The following PTPRA variants were observed in gnomAD, a reference collection of about 807,000 sequenced individuals.
The protein encoded by PTPRA is protein tyrosine phosphatase receptor type A, also known as receptor-type tyrosine-protein phosphatase alpha.
Under a neutral mutation model 104.8 loss-of-function variants are expected in PTPRA, and 25 were observed. The ratio of observed to expected loss-of-function variants is 0.24; its 90% CI spans 0.17 to 0.33. The LOEUF (loss-of-function observed/expected upper bound fraction) is 0.33. Ranked by LOEUF, PTPRA falls within the 10% of genes least tolerant of loss-of-function variation. The probability of loss-of-function intolerance (pLI) is 1.00; values close to 1 mark genes in which losing one functional copy is unlikely to be tolerated. For synonymous variants in PTPRA, 323 were observed against 368.9 expected (o/e 0.88, Z 1.43); for missense variants, 765 against 1,015.3 (o/e 0.75, Z 3.35).
chr20:2,901,695 T>G (rs2059244217), intron 1 of PTPRA, among the ~76,000 whole-genome samples: 1 of 152,156 alleles, frequency 6.6e-6, no homozygotes, highest in African/African-American at 2.4e-5. Flanking sequence ...TGGAAAAATC[T>G]TCCGTTTTGA....
At chr20:2,916,059 A>C (rs2067189697) in intron 1 of PTPRA, among the ~76,000 whole-genome samples, 2 of 152,088 alleles carry the variant, frequency 1.3e-5, no homozygotes, top group Non-Finnish European at 2.9e-5. Context: ...TTGTTTTTTG[A>C]GACAGGGTCT....
At chr20:2,923,093 T>C (rs922954588) in intron 1 of PTPRA, 114 bp from the exon 2 acceptor site, 1 of 354,682 alleles carries the variant, frequency 2.8e-6, no homozygotes, top group Non-Finnish European at 4.8e-6. Context: ...GCCTGGCTAC[T>C]TTTTGTGGAG....
In PTPRA at chr20:3,027,835, A is replaced by G. The variant is rs1205179145; in HGVS notation, c.1914A>G (p.Arg638=). 6.2e-7 allele frequency: 1 copy of G among 1,613,966 alleles called. No homozygotes were observed. The highest frequency in any genetic ancestry group is 8.5e-7 in the Non-Finnish European group (1 of 1,179,988). Residue 638 remains arginine (R), a synonymous_variant, in exon 20 of 24, where the codon AGA becomes AGG. Coordinates refer to ENST00000399903, the MANE Select transcript of PTPRA (RefSeq NM_001385305.1). The part of the protein sequence containing the change: ...SIVMLTELEE[R]GQEKCAQYWP... Reference sequence around the variant, plus strand: ...TGATGCTAACAGAACTGGAGGAGAGAGGCCAGGTGAGTTCAAAAGGTCCTG... The same window carrying G: ...TGATGCTAACAGAACTGGAGGAGAGGGGCCAGGTGAGTTCAAAAGGTCCTG...
intron 9 of PTPRA, among the ~76,000 whole-genome samples, chr20:3,001,315 T>C (rs984886989): frequency 6.6e-6 from 1 of 152,220 alleles, no homozygotes; most frequent in African/African-American, 2.4e-5. Flanking sequence ...ATGGCTCCTG[T>C]TTCTTCCTGA....
At chr20:2,948,513 T>G (rs965336414) in intron 3 of PTPRA, among the ~76,000 whole-genome samples, 2 of 152,226 alleles carry the variant, frequency 1.3e-5, no homozygotes, top group African/African-American at 4.8e-5. Flanking sequence ...TTCTGTATGT[T>G]TGCCATACCA....
rs1417016079 is a variant in PTPRA at position 2,895,377 on chromosome 20, C to CTGTAATA, written c.-129+21617_-129+21618insTGTAATA. 3.8e-3 allele frequency among the ~76,000 whole-genome samples: 581 copies of CTGTAATA among 152,212 alleles called. 7 individuals carry two copies. Among genetic ancestry groups the CTGTAATA allele is most frequent in the African/African-American group, 0.013 (534 of 41,516 alleles). On this transcript the variant is annotated intron_variant, in intron 1 of 23. Transcript: ENST00000399903. ...GGGATTACAGGTGTGAGCCACCACA[C>CTGTAATA]CCAGCCTACTACATATTCTTTTAGA... is the stretch of plus-strand genomic sequence containing the variant.
At chr20:2,999,301 T>G (rs1173175387) in intron 9 of PTPRA, among the ~76,000 whole-genome samples, 3 of 152,178 alleles carry the variant, frequency 2.0e-5, no homozygotes, top group African/African-American at 7.2e-5. Flanking sequence ...ATATATAGAT[T>G]CAATGCAATT....
rs936010798 is a variant in PTPRA, at chr20:2,981,070, G to T, written c.443-5695G>T. ...TTTTTTCTGTCTGCAGGCCCCAGGA[G>T]ACCTTCTGTGGACCCAATATACTTA... On this transcript the variant is annotated intron_variant, in intron 6 of 23. Coordinates refer to ENST00000399903, the MANE Select transcript of PTPRA (RefSeq NM_001385305.1). Among the ~76,000 whole-genome samples the T allele has an allele frequency of 4.6e-5, 7 of 152,162 alleles. 1 individual carries two copies. Among genetic ancestry groups the T allele is most frequent in the Admixed American group, 1.3e-4 (2 of 15,282 alleles).
At chr20:2,919,368 G>A (rs760771840) in intron 1 of PTPRA, among the ~76,000 whole-genome samples, 8 of 152,152 alleles carry the variant, frequency 5.3e-5, no homozygotes, top group Non-Finnish European at 1.2e-4. Flanking sequence ...AGAAACGGAT[G>A]CCTTAGAATA....
At chr20:2,971,402 G>C (rs935533218) in intron 5 of PTPRA, among the ~76,000 whole-genome samples, 4 of 152,066 alleles carry the variant, frequency 2.6e-5, no homozygotes, top group African/African-American at 7.2e-5. Context: ...GGATATGAAG[G>C]CTACTGATTT....
At chr20:2,868,487 T>C (rs572336750), upstream of PTPRA, among the ~76,000 whole-genome samples, 6 of 151,088 alleles carry the variant, frequency 4.0e-5, no homozygotes, top group Non-Finnish European at 5.9e-5. Flanking sequence ...TGATAGGGAG[T>C]AGCAAAGTTC....
chr20:2,882,798 T>C (rs1216228467), intron 1 of PTPRA, among the ~76,000 whole-genome samples: 1 of 152,194 alleles, frequency 6.6e-6, no homozygotes, highest in Non-Finnish European at 1.5e-5. Flanking sequence ...TGAAATTCAT[T>C]CATTACTTCT....
intron 9 of PTPRA, among the ~76,000 whole-genome samples, chr20:3,002,579 G>A (rs894428102): frequency 6.6e-5 from 10 of 151,932 alleles, no homozygotes; most frequent in Admixed American, 2.6e-4. Context: ...CACCCGCCTC[G>A]GCCTCCCAAA....
Position 3,022,684 on chromosome 20 carries a change from T to C in PTPRA, c.1329-5T>C, listed in dbSNP as rs745787962. ...TCCCTATAACCCCCTGCTCTCTGGC[T>C]ACAGTGCAGGTGTAGGGCGTACAGG... On this transcript the variant is annotated splice_region_variant and splice_polypyrimidine_tract_variant and intron_variant, in intron 15 of 23. Coordinates refer to ENST00000399903, the MANE Select transcript of PTPRA (RefSeq NM_001385305.1). This position sits in a 1 kb window ranked among gnomAD's most constrained non-coding sequence, Gnocchi z 4.6. The C allele has an allele frequency of 8.7e-6, 14 of 1,614,150 alleles. No homozygotes were observed. The South Asian group carries it at 1.5e-4, about 18-fold the overall frequency.
intron 2 of PTPRA, among the ~76,000 whole-genome samples, chr20:2,929,363 T>C (rs766939152): frequency 1.3e-5 from 2 of 152,234 alleles, no homozygotes; most frequent in Non-Finnish European, 2.9e-5. Flanking sequence ...TTTTGTTCTT[T>C]GTATTTCTTC....
In PTPRA at chr20:2,889,416, C is replaced by T. The variant is rs116583422; in HGVS notation, c.-129+15656C>T. 4.8e-3 allele frequency among the ~76,000 whole-genome samples: 727 copies of T among 152,278 alleles called. 4 individuals carry two copies. Among genetic ancestry groups the T allele is most frequent in the African/African-American group, 0.016 (674 of 41,556 alleles). The stretch of plus-strand genomic sequence containing the variant: ...GACAGGTCAGAGTTACCACCTTAAA[C>T]AGAAACTTCTTAAGCTCTTGGGCAA... On this transcript the variant is annotated intron_variant, in intron 1 of 23. Transcript: ENST00000399903.
At chr20:2,986,335 G>T (rs2062910307) in intron 6 of PTPRA, among the ~76,000 whole-genome samples, 1 of 152,206 alleles carries the variant, frequency 6.6e-6, no homozygotes, top group Non-Finnish European at 1.5e-5. Flanking sequence ...GGCTGAGAGA[G>T]TGTACAGTGT....
chr20:2,948,962 A>AG lies in PTPRA; in HGVS notation c.-7+939dup, dbSNP rs1183296105. On this transcript the variant is annotated intron_variant, in intron 3 of 23. Transcript: ENST00000399903. ...GCGAGACTCCGTCTCAAAAAAAAAA[A>AG]GTAAATAAAAATAAAAAACCATATC... Among the ~76,000 whole-genome samples the AG allele has an allele frequency of 2.0e-5, 3 of 152,102 alleles. No homozygotes were observed. The East Asian group carries it at 5.8e-4, about 29-fold the overall frequency.
intron 1 of PTPRA, among the ~76,000 whole-genome samples, chr20:2,918,399 C>T (rs1258550721): frequency 6.6e-6 from 1 of 152,150 alleles, no homozygotes; most frequent in Non-Finnish European, 1.5e-5. Context: ...CTGTCTGCTT[C>T]CTGAGGAAGC....
Sources: allele counts gnomAD v4.1 joint callset (sites outside exome capture counted in the v4.1 genomes callset), GRCh38; gene constraint gnomAD v4.1.1; non-coding constraint Gnocchi (gnomAD v3.1); transcripts MANE v1.5; gene names NCBI Gene and HGNC (gene_info 2026-07-23, HGNC 2026-07-21).